The following IL4I1 variants were observed in gnomAD, a reference collection of about 807,000 sequenced individuals.
The protein encoded by IL4I1 is L-amino-acid oxidase.
A neutral mutation model predicts 29.7 loss-of-function variants in IL4I1; 24 were observed. The ratio of observed to expected loss-of-function variants is 0.81; its 90% confidence interval spans 0.59 to 1.14. The LOEUF is 1.14. IL4I1 is among the 50% of genes most tolerant of loss of function. The pLI, the probability that IL4I1 is intolerant of heterozygous loss-of-function variation, is 0.00. For missense variants in IL4I1, 686 were observed against 785.6 expected, an observed-to-expected ratio of 0.87 and a Z score of 1.52; for synonymous variants, 371 against 352.5, an observed-to-expected ratio of 1.05 and a Z score of -0.59.
intron 7 of IL4I1, 105 bp downstream of exon 7, chr19:49,890,866 C>T: frequency 9.7e-7 from 1 of 1,031,494 alleles, no homozygotes; most frequent in Non-Finnish European, 1.4e-6. Context: ...AGGCCACGCC[C>T]TTCACAACAG....
At chr19:49,916,320 G>A (rs1183667764) in intron 2 of IL4I1, among the ~76,000 whole-genome samples, 2 of 151,822 alleles carry the variant, frequency 1.3e-5, no homozygotes, top group African/African-American at 4.8e-5. Flanking sequence ...TCAGGAGTTC[G>A]AGACTAGCCT....
At chr19:49,909,482 G>A (rs1453647104) in intron 2 of IL4I1, 4 of 1,614,176 alleles carry the variant, frequency 2.5e-6, no homozygotes, top group Non-Finnish European at 3.4e-6. Flanking sequence ...GCTGGGGTTT[G>A]CCATGGCTGG....
rs769890725 is a variant in IL4I1 at position 49,890,492 on chromosome 19, C to G, written c.882G>C (p.Pro294=). 1.2e-6 allele frequency: 2 copies of G among 1,611,476 alleles called. No homozygotes were observed. Among genetic ancestry groups the G allele is most frequent in the Non-Finnish European group, 8.5e-7 (1 of 1,179,798 alleles). The part of the protein sequence containing the change: ...NAPVVAMTQG[P]HDVHVQIETS... ...TCTCGATCTGCACGTGCACATCGTG[C>G]GGTCCCTGGGTCATCGCCACCACGG... Residue 294 remains proline (P), a synonymous_variant, in exon 8 of 8, where the codon CCG becomes CCC. Coordinates refer to ENST00000391826, the MANE Select transcript of IL4I1 (RefSeq NM_152899.2).
intron 2 of IL4I1, chr19:49,907,131 C>T (rs548552246): frequency 6.2e-6 from 1 of 161,702 alleles, no homozygotes; most frequent in African/African-American, 2.4e-5. Context: ...CGGGGAACGA[C>T]AGTGGGTCTC....
In IL4I1 at chr19:49,905,666, G is replaced by A. The variant is rs138546949; in HGVS notation, c.-227-1345C>T. ...GGCTGGAGTGCAATGGCATGATCTC[G>A]GCTCACTGCAACCTCCACCTCTCGG... On this transcript the variant is annotated intron_variant, in intron 2 of 9. Transcript: ENST00000341114. Among the ~76,000 whole-genome samples the A allele has an allele frequency of 3.1e-3, 476 of 152,142 alleles. 6 individuals carry two copies. Among genetic ancestry groups the A allele is most frequent in the African/African-American group, 0.011 (448 of 41,502 alleles).
Position 49,895,252 on chromosome 19 carries a change from C to T in IL4I1, c.253-72G>A, listed in dbSNP as rs141517879. ...GACCATCCCCTGCCCTCTACCACCC[C>T]GTGCCAGCCCCCTGCCTTCTTCCAT... On this transcript the variant is annotated intron_variant, in intron 3 of 7. Coordinates refer to ENST00000391826, the MANE Select transcript of IL4I1 (RefSeq NM_152899.2). The T allele has an allele frequency of 7.3e-6, 9 of 1,240,004 alleles. No homozygotes were observed. In the African/African-American group the frequency reaches 8.8e-5, roughly 12 times the overall value. The allele number at this position is 1,240,004 out of a possible 1,614,324, so 76.8% of individuals were successfully genotyped here.
chr19:49,901,384 AAAAAC>A (rs556095138), upstream of IL4I1, among the ~76,000 whole-genome samples: 3 of 152,210 alleles, frequency 2.0e-5, no homozygotes, highest in East Asian at 1.9e-4. Flanking sequence ...ACTCTGTCTC[AAAAAC>A]AAAACAAAAC....
chr19:49,911,887 T>C (rs2075472677), intron 2 of IL4I1, among the ~76,000 whole-genome samples: 1 of 152,332 alleles, frequency 6.6e-6, no homozygotes, highest in South Asian at 2.1e-4. Context: ...TGCTGGGGCC[T>C]GGCCCGGCCT....
chr19:49,907,619 A>G (rs1314847400), intron 2 of IL4I1: 27 of 386,240 alleles, frequency 7.0e-5, no homozygotes, highest in Non-Finnish European at 1.9e-5. Context: ...TCACTGCAAC[A>G]CCTCCTGGGT....
upstream of IL4I1, among the ~76,000 whole-genome samples, chr19:49,897,759 G>C (rs754596118): frequency 1.3e-5 from 2 of 152,130 alleles, no homozygotes; most frequent in East Asian, 1.9e-4. Flanking sequence ...TCCTTGGGGT[G>C]GGGGAGAGGG....
At chr19:49,899,580 G>A (rs1382346119), upstream of IL4I1, among the ~76,000 whole-genome samples, 6 of 149,766 alleles carry the variant, frequency 4.0e-5, no homozygotes, top group Non-Finnish European at 7.4e-5. Context: ...TAATTGAGAC[G>A]GAGTCTCACT....
intron 2 of IL4I1, chr19:49,909,515 T>C (rs1362201661): frequency 1.2e-6 from 2 of 1,614,018 alleles, no homozygotes; most frequent in Admixed American, 1.7e-5. Context: ...GTTGCTCAAG[T>C]TGAGCTTTGA....
chr19:49,900,610 C>T (rs898948760), upstream of IL4I1, among the ~76,000 whole-genome samples: 7 of 151,824 alleles, frequency 4.6e-5, no homozygotes, highest in Non-Finnish European at 7.4e-5. Flanking sequence ...TCTGATAATA[C>T]TAAGGAGATT....
At chr19:49,915,813 C>T (rs1186498074) in intron 2 of IL4I1, among the ~76,000 whole-genome samples, 1 of 152,212 alleles carries the variant, frequency 6.6e-6, no homozygotes, top group African/African-American at 2.4e-5. Flanking sequence ...CCTGCCAGGA[C>T]TGTGGATGTG....
At chr19:49,909,612 T>C (rs763089401) in intron 2 of IL4I1, 1 of 1,612,934 alleles carries the variant, frequency 6.2e-7, no homozygotes, top group Non-Finnish European at 8.5e-7. Flanking sequence ...GTGGCCGGAG[T>C]CTGGGTGGCA....
chr19:49,905,317 G>A (rs1184172543), intron 2 of IL4I1, among the ~76,000 whole-genome samples: 2 of 152,186 alleles, frequency 1.3e-5, no homozygotes, highest in African/African-American at 4.8e-5. Flanking sequence ...CACCAGATCA[G>A]GATCAGCTCT....
At chr19:49,908,961 T>C (rs139229674) in intron 2 of IL4I1, 8 of 1,606,398 alleles carry the variant, frequency 5.0e-6, no homozygotes, top group Non-Finnish European at 6.0e-6. Context: ...CTGCTGCTGC[T>C]GGTGGTGGTG....
At chr19:49,926,375 C>T (rs769484767) in intron 2 of IL4I1, among the ~76,000 whole-genome samples, 1 of 151,770 alleles carries the variant, frequency 6.6e-6, no homozygotes, top group Non-Finnish European at 1.5e-5. Flanking sequence ...ACTAAAAATA[C>T]AAAAATTAGC....
chr19:49,894,762 G>C (rs531086293), intron 4 of IL4I1, among the ~76,000 whole-genome samples: 68 of 152,072 alleles, frequency 4.5e-4, no homozygotes, highest in African/African-American at 1.6e-3. Context: ...GATGAAGAAG[G>C]GGCCTGGGGC....
Sources: gnomAD v4.1 joint callset for allele counts (sites outside exome capture counted in the v4.1 genomes callset) on GRCh38, gnomAD v4.1.1 for gene constraint, MANE v1.5 for transcripts, NCBI Gene and HGNC (gene_info 2026-07-23, HGNC 2026-07-21) for gene names.